CYFIP2: variants seen among roughly 807,000 people sequenced by gnomAD.
The protein encoded by CYFIP2 is cytoplasmic FMR1 interacting protein 2.
In CYFIP2, 29 loss-of-function variants were observed where a neutral mutation model predicts 158.7. The ratio of observed to expected loss-of-function variants is 0.18; its 90% CI spans 0.14 to 0.25. The LOEUF is 0.25. Ranked by LOEUF, CYFIP2 falls within the 10% of genes least tolerant of loss-of-function variation. The pLI, the probability that CYFIP2 is intolerant of heterozygous loss-of-function variation, is 1.00. For synonymous variants in CYFIP2, 585 were observed against 617.6 expected, an observed-to-expected ratio of 0.95 and a Z score of 0.78; for missense variants, 852 against 1,639.5, an observed-to-expected ratio of 0.52 and a Z score of 8.29.
chr5:157,303,799 G>T (rs1217301473), intron 7 of CYFIP2, among the ~76,000 whole-genome samples: 1 of 151,826 alleles, frequency 6.6e-6, no homozygotes, highest in Non-Finnish European at 1.5e-5. Context: ...GCTGTGTCCT[G>T]CCAAGAGGGA....
intron 13 of CYFIP2, among the ~76,000 whole-genome samples, chr5:157,316,917 T>C (rs1425507625): frequency 6.6e-6 from 1 of 152,174 alleles, no homozygotes; most frequent in African/African-American, 2.4e-5. Context: ...ACACTTGACA[T>C]TGTCCTGAGT....
chr5:157,388,472 CAA>C (rs1428361816), intron 28 of CYFIP2, among the ~76,000 whole-genome samples: 1 of 152,220 alleles, frequency 6.6e-6, no homozygotes, highest in African/African-American at 2.4e-5. Flanking sequence ...TATTTAAAGT[CAA>C]GAGTGACAAT....
intron 26 of CYFIP2, among the ~76,000 whole-genome samples, chr5:157,369,265 C>T (rs972665762): frequency 1.3e-5 from 2 of 152,008 alleles, no homozygotes; most frequent in Admixed American, 6.5e-5. Flanking sequence ...GACTGATAAA[C>T]ATTTATCAGT....
chr5:157,363,651 T>G (rs1764058304), intron 26 of CYFIP2: 1 of 152,692 alleles, frequency 6.5e-6, no homozygotes, highest in Non-Finnish European at 1.5e-5. Flanking sequence ...TGGGGCTTCG[T>G]GGGCCACCAC....
Position 157,311,866 on chromosome 5 carries a change from C to A in CYFIP2, c.1110+85C>A. On this transcript the variant is annotated intron_variant, in intron 11 of 30. Coordinates refer to ENST00000620254, the MANE Select transcript of CYFIP2 (RefSeq NM_001037333.3). The surrounding 1 kb of genome is among the most constrained non-coding windows in gnomAD (Gnocchi z 4.7). ...GCAGCCAGGAAAGAACATGGACCCA[C>A]GGAACACTGGAGAGTAGAAGGGAGG... The A allele has an allele frequency of 7.9e-7, 1 of 1,262,540 alleles. No homozygotes were observed. Among genetic ancestry groups the A allele is most frequent in the Non-Finnish European group, 1.1e-6 (1 of 892,104 alleles). The allele number at this position is 1,262,540 out of a possible 1,614,324, so 78.2% of individuals were successfully genotyped here. A position where few individuals can be genotyped will look rare whatever the true frequency, so the allele number is the denominator to read the frequency against.
rs1328784427 is a variant in CYFIP2 at position 157,314,472 on chromosome 5, C to T, written c.1230+9C>T. On this transcript the variant is annotated intron_variant, in intron 12 of 30. Transcript: ENST00000620254. ...CCCACGTCATGGAGGTGGTAGGTGT[C>T]TCTGGGTAGAGGGCCTCACACTGAC... 3.1e-6 allele frequency: 5 copies of T among 1,612,892 alleles called. No homozygotes were observed. The highest frequency in any genetic ancestry group is 3.4e-6 in the Non-Finnish European group (4 of 1,179,344).
intron 26 of CYFIP2, chr5:157,363,122 CAG>C (rs1023443277): frequency 1.3e-5 from 2 of 152,416 alleles, no homozygotes; most frequent in African/African-American, 4.8e-5. Flanking sequence ...ATGGCTGACT[CAG>C]AGACTGTGCT....
chr5:157,295,437 A>G (rs987485416), intron 4 of CYFIP2, among the ~76,000 whole-genome samples: 1 of 152,256 alleles, frequency 6.6e-6, no homozygotes, highest in Non-Finnish European at 1.5e-5. Context: ...TGGCAACAAA[A>G]TCAGCAAGCC....
At chr5:157,356,951 C>T (rs144581422) in intron 23 of CYFIP2, among the ~76,000 whole-genome samples, 110 of 152,330 alleles carry the variant, frequency 7.2e-4, no homozygotes, top group African/African-American at 2.5e-3. Context: ...GAACATCATA[C>T]TCTTAAGTCA....
intron 28 of CYFIP2, among the ~76,000 whole-genome samples, chr5:157,387,007 G>A (rs1181683670): frequency 6.6e-6 from 1 of 150,398 alleles, no homozygotes; most frequent in African/African-American, 2.4e-5. Flanking sequence ...AGATAACCAA[G>A]TATATACGAC....
intron 23 of CYFIP2, chr5:157,343,039 CG>C (rs777090263): frequency 3.7e-5 from 60 of 1,614,072 alleles, no homozygotes; most frequent in Non-Finnish European, 5.1e-5. Context: ...GACCAAGATC[CG>C]GGGCCTCCTC....
chr5:157,377,183 C>G (rs1765568997), intron 26 of CYFIP2, among the ~76,000 whole-genome samples: 1 of 151,918 alleles, frequency 6.6e-6, no homozygotes, highest in Non-Finnish European at 1.5e-5. Context: ...GAAACTGCAG[C>G]TTGGCCATTT....
chr5:157,313,389 G>A (rs959554031), intron 11 of CYFIP2, among the ~76,000 whole-genome samples: 1 of 152,224 alleles, frequency 6.6e-6, no homozygotes, highest in African/African-American at 2.4e-5. Context: ...GCATGTTACA[G>A]CTTTCTTGCA....
At chr5:157,303,051 G>T (rs574828739) in intron 7 of CYFIP2, 161 bp downstream of exon 7, 47 of 598,010 alleles carry the variant, frequency 7.9e-5, no homozygotes, top group African/African-American at 7.3e-4. Context: ...ACTTAAGTCT[G>T]TCCTCCCAAC....
Position 157,311,898 on chromosome 5 carries a change from G to A in CYFIP2, c.1110+117G>A. 1.0e-6 allele frequency: 1 copy of A among 976,988 alleles called. No individual in the cohort carries two copies. Among genetic ancestry groups the A allele is most frequent in the Admixed American group, 2.5e-5 (1 of 39,236 alleles). The allele number at this position is 976,988 out of a possible 1,614,324, so 60.5% of individuals were successfully genotyped here. ...CTGGAGAGTAGAAGGGAGGGAGGCA[G>A]GAGGGTAAAGTGGCCAACAGCAGGG... On this transcript the variant is annotated intron_variant, in intron 11 of 30. Coordinates refer to ENST00000620254, the MANE Select transcript of CYFIP2 (RefSeq NM_001037333.3). The surrounding 1 kb of genome is among the most constrained non-coding windows in gnomAD (Gnocchi z 4.7).
chr5:157,376,986 C>T lies in CYFIP2; in HGVS notation c.3040-5604C>T, dbSNP rs59909702. ...TCTCTGACTCCATAAACGGTACCAACGTCATACAGGTGCCCTGGGCAGGGG... is the reference window on the plus strand; with the variant it reads ...TCTCTGACTCCATAAACGGTACCAATGTCATACAGGTGCCCTGGGCAGGGG... On this transcript the variant is annotated intron_variant, in intron 26 of 30. Transcript: ENST00000620254. 3.5e-5 allele frequency: 15 copies of T among 434,144 alleles called. No homozygotes were observed. The East Asian group carries it at 3.7e-4, about 11-fold the overall frequency. 26.9% of individuals were successfully genotyped at this position (434,144 alleles called of 1,614,324 possible).
chr5:157,288,058 A>G (rs1757527842), intron 3 of CYFIP2, among the ~76,000 whole-genome samples: 1 of 152,094 alleles, frequency 6.6e-6, no homozygotes, highest in African/African-American at 2.4e-5. Flanking sequence ...GTATCACTGC[A>G]TTCCAGCCTG....
intron 21 of CYFIP2, among the ~76,000 whole-genome samples, chr5:157,335,617 G>T (rs1581086544): frequency 1.3e-5 from 2 of 152,304 alleles, no homozygotes; most frequent in East Asian, 3.9e-4. Context: ...ATTTGGGGCT[G>T]CAATGCAGTG....
rs372274355 is a variant in CYFIP2 at position 157,306,376 on chromosome 5, T to C, written c.796-1385T>C. ...TGTAACTTTCCACAAGCTAAGTCAC[T>C]ACCTACCAGCCCACCAAGTAGTCTT... On this transcript the variant is annotated intron_variant, in intron 8 of 30. Coordinates refer to ENST00000620254, the MANE Select transcript of CYFIP2 (RefSeq NM_001037333.3). Among the ~76,000 whole-genome samples, 10 of 152,292 alleles carry C rather than the reference T, an allele frequency of 6.6e-5. 1 individual carries two copies. Among genetic ancestry groups the C allele is most frequent in the Admixed American group, 6.5e-4 (10 of 15,294 alleles).
Sources: allele counts gnomAD v4.1 joint callset (sites outside exome capture counted in the v4.1 genomes callset), GRCh38; gene constraint gnomAD v4.1.1; non-coding constraint Gnocchi (gnomAD v3.1); transcripts MANE v1.5; gene names NCBI Gene and HGNC (gene_info 2026-07-23, HGNC 2026-07-21).